FBXW8: variants seen among roughly 807,000 people sequenced by gnomAD.
The protein encoded by FBXW8 is F-box/WD repeat-containing protein 8.
Under a neutral mutation model 65.3 loss-of-function variants are expected in FBXW8, and 57 were observed. The observed-to-expected ratio is 0.87, with a 90% CI of 0.71 to 1.09. FBXW8 has a LOEUF of 1.09. Among genes scored for constraint, FBXW8 ranks in the 50% least tolerant of loss-of-function variants. FBXW8 has a pLI of 0.00. For synonymous variants in FBXW8, 308 were observed against 330.2 expected (o/e 0.93, Z 0.73); for missense variants, 777 against 814.8 (o/e 0.95, Z 0.57).
At chr12:116,986,049 G>A (rs1885656218) in intron 6 of FBXW8, 1 of 152,248 alleles carries the variant, frequency 6.6e-6, no homozygotes, top group Non-Finnish European at 1.5e-5. Context: ...TAAGAAGGAA[G>A]TGCTCAAATC....
intron 1 of FBXW8, among the ~76,000 whole-genome samples, chr12:116,920,137 C>G (rs1169477885): frequency 2.6e-5 from 4 of 152,196 alleles, no homozygotes; most frequent in African/African-American, 7.2e-5. Context: ...CGTGATTTCT[C>G]CAGCCCAAAT....
At chr12:116,921,641 G>C (rs1880910257) in intron 1 of FBXW8, among the ~76,000 whole-genome samples, 1 of 152,114 alleles carries the variant, frequency 6.6e-6, no homozygotes, top group Non-Finnish European at 1.5e-5. Context: ...CCTGAATTTA[G>C]ATAGTATTTT....
chr12:116,912,119 C>G (rs1332238342), intron 1 of FBXW8, among the ~76,000 whole-genome samples: 1 of 151,850 alleles, frequency 6.6e-6, no homozygotes, highest in Non-Finnish European at 1.5e-5. Flanking sequence ...TAAATTAGGC[C>G]CAAAGGAAGT....
chr12:116,979,957 C>A (rs1355665258), intron 5 of FBXW8, among the ~76,000 whole-genome samples: 1 of 152,030 alleles, frequency 6.6e-6, no homozygotes, highest in Admixed American at 6.5e-5. Context: ...CTCCCCAGGC[C>A]CTCTCCAGGT....
intron 1 of FBXW8, among the ~76,000 whole-genome samples, chr12:116,919,951 T>TA (rs1880753768): frequency 6.6e-6 from 1 of 152,232 alleles, no homozygotes; most frequent in African/African-American, 2.4e-5. Context: ...TAAACACAAA[T>TA]AAGTAAGCTC....
At chr12:116,935,493 G>A (rs1005475986) in intron 2 of FBXW8, among the ~76,000 whole-genome samples, 11 of 152,146 alleles carry the variant, frequency 7.2e-5, no homozygotes, top group Admixed American at 7.2e-4. Flanking sequence ...CACCCTTGCC[G>A]CCAGACTTCT....
At chr12:116,917,018 G>A (rs894736231) in intron 1 of FBXW8, among the ~76,000 whole-genome samples, 2 of 152,152 alleles carry the variant, frequency 1.3e-5, no homozygotes, top group African/African-American at 2.4e-5. Flanking sequence ...CAGCAAGAGG[G>A]CGAGCCCCAG....
At chr12:117,002,333 ATTAAAAC>A (rs1232898182) in intron 7 of FBXW8, 1 of 152,278 alleles carries the variant, frequency 6.6e-6, no homozygotes, top group Non-Finnish European at 1.5e-5. Flanking sequence ...TGTCACTCCA[ATTAAAAC>A]TTAAACATGA....
chr12:116,926,091 A>C (rs1332227171), intron 1 of FBXW8, among the ~76,000 whole-genome samples: 2 of 152,192 alleles, frequency 1.3e-5, no homozygotes, highest in Non-Finnish European at 2.9e-5. Context: ...TACTAGAGGT[A>C]AGACTTTTCT....
intron 1 of FBXW8, among the ~76,000 whole-genome samples, chr12:116,922,273 C>T (rs1316647686): frequency 1.3e-5 from 2 of 152,088 alleles, no homozygotes; most frequent in East Asian, 3.8e-4. Context: ...AAAGAAGACA[C>T]AGGTGAAACT....
chr12:116,931,111 C>T (rs1881738623), intron 2 of FBXW8, among the ~76,000 whole-genome samples: 1 of 152,212 alleles, frequency 6.6e-6, no homozygotes, highest in Non-Finnish European at 1.5e-5. Context: ...TGTGGATATC[C>T]AGTTCTCACA....
chr12:116,957,513 A>G lies in FBXW8; in HGVS notation c.678-7184A>G, dbSNP rs192977864. On this transcript the variant is annotated intron_variant, in intron 4 of 10. Coordinates refer to ENST00000652555, the MANE Select transcript of FBXW8 (RefSeq NM_153348.3). Reference sequence around the variant, plus strand: ...GTTTCCAACACTCGCTTAGTTTTATATGTATGTGTGAAAAATAAATACTGC... The same window carrying G: ...GTTTCCAACACTCGCTTAGTTTTATGTGTATGTGTGAAAAATAAATACTGC... Among the ~76,000 whole-genome samples, 464 of 152,294 alleles carry G rather than the reference A, an allele frequency of 3.0e-3. 6 individuals are homozygous for G. The highest frequency in any genetic ancestry group is 3.3e-3 in the Non-Finnish European group (223 of 68,018).
At chr12:116,924,734 A>T (rs1881187341) in intron 1 of FBXW8, among the ~76,000 whole-genome samples, 1 of 152,238 alleles carries the variant, frequency 6.6e-6, no homozygotes, top group Non-Finnish European at 1.5e-5. Flanking sequence ...GCTTTTGTCC[A>T]GGATGTGGCT....
chr12:116,919,475 G>T (rs771177312), intron 1 of FBXW8, among the ~76,000 whole-genome samples: 5 of 152,188 alleles, frequency 3.3e-5, no homozygotes, highest in Admixed American at 3.3e-4. Flanking sequence ...TTAGCACTGA[G>T]CCTGGAGTAC....
rs1158725890 is a variant in FBXW8 at position 116,961,373 on chromosome 12, TGAG to T, written c.678-3319_678-3317del. On this transcript the variant is annotated intron_variant, in intron 4 of 10. Coordinates refer to ENST00000652555, the MANE Select transcript of FBXW8 (RefSeq NM_153348.3). The surrounding 1 kb of genome is among the most constrained non-coding windows in gnomAD (Gnocchi z 4.4). ...GGCTGGACCCCACTGGGCTGGGAGG[TGAG>T]GAGGTGAGGTACTGCAGCAAGGTGG... 2.0e-5 allele frequency among the ~76,000 whole-genome samples: 3 copies of T among 150,658 alleles called. No individual in the cohort carries two copies. Among genetic ancestry groups the T allele is most frequent in the Non-Finnish European group, 3.0e-5 (2 of 67,738 alleles).
rs549993247 is a variant in FBXW8, at chr12:117,024,853, A to G, written c.1541+533A>G. On this transcript the variant is annotated intron_variant, in intron 9 of 10. Transcript: ENST00000652555. ...TTACAGAGAAGAGCACTTAGGACTGAAGGGGTTCAGGCTCCAACGAAGGAG... is the reference window on the plus strand; with the variant it reads ...TTACAGAGAAGAGCACTTAGGACTGGAGGGGTTCAGGCTCCAACGAAGGAG... Among the ~76,000 whole-genome samples, 5 of 152,310 alleles carry G rather than the reference A, an allele frequency of 3.3e-5. No homozygotes were observed. In the East Asian group the frequency reaches 9.7e-4, roughly 29 times the overall value.
intron 1 of FBXW8, among the ~76,000 whole-genome samples, chr12:116,916,355 T>C (rs959222059): frequency 5.6e-4 from 86 of 152,334 alleles, no homozygotes; most frequent in African/African-American, 1.9e-3. Flanking sequence ...TATTTCACTT[T>C]CTTCTTTACC....
chr12:117,017,753 GTCC>G (rs1260202579), intron 8 of FBXW8, among the ~76,000 whole-genome samples: 1 of 152,066 alleles, frequency 6.6e-6, no homozygotes, highest in Non-Finnish European at 1.5e-5. Context: ...AGAAGGTCAG[GTCC>G]TCCTTAATGA....
chr12:116,912,073 TAA>T (rs1187323144), intron 1 of FBXW8, among the ~76,000 whole-genome samples: 3 of 151,934 alleles, frequency 2.0e-5, no homozygotes, highest in Non-Finnish European at 2.9e-5. Flanking sequence ...GCTCCCAGGT[TAA>T]GAGGACAAGG....
Sources: gnomAD v4.1 joint callset for allele counts (sites outside exome capture counted in the v4.1 genomes callset) on GRCh38, gnomAD v4.1.1 for gene constraint, Gnocchi (gnomAD v3.1) non-coding constraint, MANE v1.5 for transcripts, NCBI Gene and HGNC (gene_info 2026-07-23, HGNC 2026-07-21) for gene names.